ADGRG7: variants seen among roughly 807,000 people sequenced by gnomAD.
ADGRG7 encodes the protein adhesion G protein-coupled receptor G7.
ADGRG7 carries 82 observed loss-of-function variants against 88.6 expected under a neutral mutation model. The observed-to-expected ratio is 0.93, with a 90% CI of 0.77 to 1.11. ADGRG7 has a LOEUF of 1.11. Among genes scored for constraint, ADGRG7 ranks in the 50% most tolerant of loss-of-function variants. ADGRG7 has a pLI of 0.00. For missense variants in ADGRG7, 945 were observed against 953.4 expected (o/e 0.99, Z 0.12); for synonymous variants, 381 against 345.2 (o/e 1.10, Z -1.15).
At chr3:100,624,249 T>TA (rs2149014596) in intron 1 of ADGRG7, among the ~76,000 whole-genome samples, 1 of 152,354 alleles carries the variant, frequency 6.6e-6, no homozygotes, top group Non-Finnish European at 1.5e-5. Flanking sequence ...TGTGAAATGA[T>TA]ATCTCTTTGC....
chr3:100,644,273 TTAGA>T (rs903785394), intron 8 of ADGRG7, among the ~76,000 whole-genome samples: 4 of 152,152 alleles, frequency 2.6e-5, no homozygotes, highest in African/African-American at 4.8e-5. Flanking sequence ...AGTATATGTG[TTAGA>T]TAGAATATAT....
At chr3:100,644,379 T>C (rs79611778) in intron 8 of ADGRG7, among the ~76,000 whole-genome samples, 3,543 of 152,312 alleles carry the variant, frequency 0.023, 110 homozygotes, top group African/African-American at 0.069. Flanking sequence ...TGCTTTGTGA[T>C]GGTAGAGACT....
chr3:100,659,678 TCCTCCACA>T lies in ADGRG7; in HGVS notation c.1824-9_1824-2del. ...TAGTCTGCTGAAGCAATTTTTTTTT[TCCTCCACA>T]GCTGCTGGCTGGCAATTCCAGAACC... On this transcript the variant is annotated splice_acceptor_variant and splice_polypyrimidine_tract_variant and intron_variant, in intron 13 of 15. Transcript: ENST00000273352. LOFTEE classifies it high-confidence loss of function. The T allele has an allele frequency of 1.2e-6, 2 of 1,611,148 alleles. No homozygotes were observed. Among genetic ancestry groups the T allele is most frequent in the Admixed American group, 1.7e-5 (1 of 59,368 alleles).
At chr3:100,616,154 T>C (rs1475820389) in intron 1 of ADGRG7, among the ~76,000 whole-genome samples, 4 of 152,154 alleles carry the variant, frequency 2.6e-5, no homozygotes, top group African/African-American at 4.8e-5. Flanking sequence ...AAAGAAGTAA[T>C]CATGAAATTT....
intron 15 of ADGRG7, among the ~76,000 whole-genome samples, chr3:100,689,824 G>T (rs147315095): frequency 6.6e-6 from 1 of 152,060 alleles, no homozygotes; most frequent in Admixed American, 6.5e-5. Flanking sequence ...CCTTCATTTC[G>T]ACTTTGGTGA....
chr3:100,670,125 A>G lies in ADGRG7; in HGVS notation c.2136+1020A>G, dbSNP rs144225622. Among the ~76,000 whole-genome samples, 1,026 of 152,208 alleles carry G rather than the reference A, an allele frequency of 6.7e-3. 16 individuals are homozygous for G. Among genetic ancestry groups the G allele is most frequent in the African/African-American group, 0.023 (976 of 41,538 alleles). On this transcript the variant is annotated intron_variant, in intron 15 of 15. Transcript: ENST00000273352. ...TTCATTCTAACTATATTTTTGTACC[A>G]ATACCCATTAACCATTCCCGCTTTC...
At chr3:100,622,026 G>A (rs972809775) in intron 1 of ADGRG7, among the ~76,000 whole-genome samples, 6 of 152,108 alleles carry the variant, frequency 3.9e-5, no homozygotes, top group East Asian at 1.9e-4. Context: ...TTCATGTTAC[G>A]GTTTGTGCTC....
At chr3:100,670,875 T>C (rs2094957489) in intron 15 of ADGRG7, among the ~76,000 whole-genome samples, 1 of 152,222 alleles carries the variant, frequency 6.6e-6, no homozygotes, top group Non-Finnish European at 1.5e-5. Context: ...TCCATGTCCA[T>C]GCAAAGGACA....
chr3:100,687,886 T>C (rs957881096), intron 15 of ADGRG7, among the ~76,000 whole-genome samples: 50 of 152,094 alleles, frequency 3.3e-4, no homozygotes, highest in African/African-American at 1.1e-3. Context: ...ATGATGCTGG[T>C]CTCATAAAAT....
intron 10 of ADGRG7, among the ~76,000 whole-genome samples, chr3:100,648,685 T>G (rs1225897263): frequency 2.0e-5 from 3 of 152,186 alleles, no homozygotes; most frequent in Non-Finnish European, 4.4e-5. Flanking sequence ...GAGGTAGGTA[T>G]GGTGTGGGGT....
intron 8 of ADGRG7, among the ~76,000 whole-genome samples, chr3:100,644,437 A>C (rs926592189): frequency 6.6e-6 from 1 of 152,232 alleles, no homozygotes; most frequent in African/African-American, 2.4e-5. Context: ...TTAATTTAAA[A>C]ATACTTCATG....
chr3:100,651,525 C>T (rs1456620829), intron 11 of ADGRG7, among the ~76,000 whole-genome samples: 2 of 151,958 alleles, frequency 1.3e-5, no homozygotes, highest in African/African-American at 2.4e-5. Context: ...ACCAAAGATA[C>T]CACTAAAATT....
In ADGRG7 at chr3:100,635,674, C is replaced by T; in HGVS notation, c.448-3C>T. ...AGGGTTTTTTTTCTGGTTTTTAAAA[C>T]AGGTAAAGGATGTCACAGCACCACT... On this transcript the variant is annotated splice_region_variant and splice_polypyrimidine_tract_variant and intron_variant, in intron 4 of 15. Coordinates refer to ENST00000273352, the MANE Select transcript of ADGRG7 (RefSeq NM_032787.3). 6.2e-7 allele frequency: 1 copy of T among 1,606,098 alleles called. No homozygotes were observed. The highest frequency in any genetic ancestry group is 8.5e-7 in the Non-Finnish European group (1 of 1,177,642).
intron 14 of ADGRG7, among the ~76,000 whole-genome samples, chr3:100,661,822 T>C (rs1461077688): frequency 6.6e-6 from 1 of 152,208 alleles, no homozygotes; most frequent in Admixed American, 6.5e-5. Context: ...CTTGGGACCA[T>C]TGGTTTTAAG....
chr3:100,627,833 TG>T (rs1576315223), intron 1 of ADGRG7, among the ~76,000 whole-genome samples: 1 of 152,158 alleles, frequency 6.6e-6, no homozygotes, highest in East Asian at 1.9e-4. Context: ...TAACAAAATT[TG>T]GGAAATTTTG....
At chr3:100,673,147 CT>C (rs1460767091) in intron 15 of ADGRG7, among the ~76,000 whole-genome samples, 1 of 152,134 alleles carries the variant, frequency 6.6e-6, no homozygotes, top group Non-Finnish European at 1.5e-5. Flanking sequence ...ACCAGCTCCT[CT>C]TTTTACCTCT....
chr3:100,679,555 T>G (rs2094970155), intron 15 of ADGRG7, among the ~76,000 whole-genome samples: 1 of 152,236 alleles, frequency 6.6e-6, no homozygotes, highest in Admixed American at 6.5e-5. Context: ...TTTGGTCATC[T>G]TGCTCCACCT....
Position 100,669,676 on chromosome 3 carries a change from C to CAA in ADGRG7, c.2136+572_2136+573insAA, listed in dbSNP as rs199764882. 6.7e-3 allele frequency among the ~76,000 whole-genome samples: 1,019 copies of CAA among 151,888 alleles called. 14 individuals carry two copies. Among genetic ancestry groups the CAA allele is most frequent in the African/African-American group, 0.023 (969 of 41,380 alleles). On this transcript the variant is annotated intron_variant, in intron 15 of 15. Coordinates refer to ENST00000273352, the MANE Select transcript of ADGRG7 (RefSeq NM_032787.3). ...TAAATGGGGTACCCATATCCTCAAGCATTTACCCTTTCTGTTACAAACAAT... is the reference window on the plus strand; with the variant it reads ...TAAATGGGGTACCCATATCCTCAAGCAAATTTACCCTTTCTGTTACAAACAAT...
chr3:100,690,202 C>T (rs1003346969), intron 15 of ADGRG7, among the ~76,000 whole-genome samples: 54 of 152,328 alleles, frequency 3.5e-4, no homozygotes, highest in South Asian at 6.2e-4. Context: ...ACGTAGTTCT[C>T]GTGCCGTGGT....
Sources: allele counts gnomAD v4.1 joint callset (sites outside exome capture counted in the v4.1 genomes callset), GRCh38; gene constraint gnomAD v4.1.1; transcripts MANE v1.5; gene names NCBI Gene and HGNC (gene_info 2026-07-23, HGNC 2026-07-21).